IFT88: variants seen among roughly 807,000 people sequenced by gnomAD.
IFT88 encodes intraflagellar transport protein 88 homolog.
IFT88 carries 74 observed loss-of-function variants against 119.5 expected under a neutral mutation model. That is an observed-to-expected ratio of 0.62 (90% CI 0.51 to 0.75). IFT88 has a LOEUF of 0.75. Among genes scored for constraint, IFT88 ranks in the 30% least tolerant of loss-of-function variants. The pLI is 0.00. For synonymous variants in IFT88, 279 were observed against 316.7 expected, an observed-to-expected ratio of 0.88 and a Z score of 1.26; for missense variants, 961 against 977.7, an observed-to-expected ratio of 0.98 and a Z score of 0.23.
chr13:20,641,530 TG>T (rs2049960161), intron 18 of IFT88, 132 bp downstream of exon 18: 1 of 546,276 alleles, frequency 1.8e-6, no homozygotes, highest in Admixed American at 3.0e-5. Flanking sequence ...GAGGATAATC[TG>T]GCAGATTATT....
At chr13:20,568,028 A>C (rs1215531523) in intron 1 of IFT88, 6 of 713,546 alleles carry the variant, frequency 8.4e-6, no homozygotes, top group Non-Finnish European at 1.3e-5. Context: ...AAAATCGCAA[A>C]AAAGAATCTC....
intron 23 of IFT88, among the ~76,000 whole-genome samples, chr13:20,666,757 TTC>T (rs939896926): frequency 1.4e-4 from 21 of 152,228 alleles, no homozygotes; most frequent in Non-Finnish European, 2.9e-4. Context: ...ACAATAAATG[TTC>T]TTTTAAAAAT....
intron 24 of IFT88, among the ~76,000 whole-genome samples, chr13:20,685,131 G>A (rs2141244738): frequency 6.6e-6 from 1 of 152,318 alleles, no homozygotes; most frequent in Admixed American, 6.5e-5. Flanking sequence ...GGGAAACAAA[G>A]CAATTTTAGC....
chr13:20,605,130 A>C, intron 13 of IFT88, 25 bp downstream of exon 13: 1 of 939,292 alleles, frequency 1.1e-6, no homozygotes, highest in Non-Finnish European at 1.6e-6. Flanking sequence ...TTAATAACGT[A>C]GTTATTAATT....
intron 20 of IFT88, among the ~76,000 whole-genome samples, chr13:20,646,345 C>T (rs966698167): frequency 1.1e-4 from 16 of 151,436 alleles, no homozygotes; most frequent in African/African-American, 4.9e-5. Flanking sequence ...CTTTGTCGCC[C>T]AGGCTGGAGT....
intron 24 of IFT88, among the ~76,000 whole-genome samples, chr13:20,672,947 A>G (rs541931049): frequency 1.3e-5 from 2 of 152,290 alleles, no homozygotes; most frequent in African/African-American, 2.4e-5. Context: ...ATTGTGCAAC[A>G]GTCAAAAGCA....
intron 14 of IFT88, among the ~76,000 whole-genome samples, chr13:20,624,343 C>T (rs762409129): frequency 8.5e-5 from 13 of 152,162 alleles, no homozygotes; most frequent in East Asian, 7.7e-4. Context: ...CCTCCCTGGG[C>T]GCCACCCTCT....
intron 24 of IFT88, among the ~76,000 whole-genome samples, chr13:20,687,048 A>AAAAC (rs1555317939): frequency 7.2e-6 from 1 of 139,742 alleles, no homozygotes; most frequent in East Asian, 2.4e-4. Flanking sequence ...AAAAAAAAAA[A>AAAAC]ACCTCATATT....
rs4145579 is a variant in IFT88 at position 20,641,384 on chromosome 13, C to T, written c.1668C>T (p.Tyr556=). The T allele has an allele frequency of 1.1e-5, 17 of 1,604,754 alleles. No individual in the cohort carries two copies. Among genetic ancestry groups the T allele is most frequent in the Non-Finnish European group, 1.3e-5 (15 of 1,172,652 alleles). Residue 556 remains tyrosine (Y), a synonymous_variant, in exon 18 of 26, where the codon TAC becomes TAT. Transcript: ENST00000351808. ...AILRNSAEVL[Y]QIANIYELME... Reference sequence around the variant, plus strand: ...TACGAAACAGTGCCGAAGTTCTTTACCAGATAGCAAATATGTATCTTATTT... The same window carrying T: ...TACGAAACAGTGCCGAAGTTCTTTATCAGATAGCAAATATGTATCTTATTT...
intron 6 of IFT88, among the ~76,000 whole-genome samples, chr13:20,591,974 G>A (rs1464757519): frequency 1.3e-5 from 2 of 152,112 alleles, no homozygotes; most frequent in Non-Finnish European, 2.9e-5. Context: ...TGTTTGGTAT[G>A]CCAATAAGGA....
intron 20 of IFT88, among the ~76,000 whole-genome samples, chr13:20,653,303 G>A (rs751597571): frequency 1.4e-4 from 21 of 152,124 alleles, no homozygotes; most frequent in Non-Finnish European, 2.8e-4. Context: ...AAAATGAGGC[G>A]AGCATAAATT....
At chr13:20,674,870 C>T (rs1038513263) in intron 24 of IFT88, among the ~76,000 whole-genome samples, 2 of 150,992 alleles carry the variant, frequency 1.3e-5, no homozygotes, top group African/African-American at 4.9e-5. Flanking sequence ...CCCACCACCA[C>T]GCCCGGCTAA....
chr13:20,657,048 G>A (rs938272991), intron 22 of IFT88, among the ~76,000 whole-genome samples: 1 of 152,074 alleles, frequency 6.6e-6, no homozygotes, highest in African/African-American at 2.4e-5. Context: ...TAGTAGAGAC[G>A]GGTTTTACTA....
chr13:20,669,688 T>C (rs1747015776), intron 23 of IFT88, among the ~76,000 whole-genome samples: 1 of 152,128 alleles, frequency 6.6e-6, no homozygotes, highest in South Asian at 2.1e-4. Context: ...CCTCCCAAAG[T>C]GCTAGGATTA....
At chr13:20,620,726 T>C (rs928596361) in intron 14 of IFT88, among the ~76,000 whole-genome samples, 2 of 152,022 alleles carry the variant, frequency 1.3e-5, no homozygotes, top group Non-Finnish European at 2.9e-5. Context: ...CCACCACGCC[T>C]GGCTAATTTT....
chr13:20,598,118 G>C (rs552593018), intron 9 of IFT88, among the ~76,000 whole-genome samples: 1 of 152,222 alleles, frequency 6.6e-6, no homozygotes, highest in South Asian at 2.1e-4. Context: ...TGAAGTGTTA[G>C]ATGCTTACTG....
At chr13:20,588,977 G>A (rs1399155409) in intron 3 of IFT88, among the ~76,000 whole-genome samples, 1 of 152,180 alleles carries the variant, frequency 6.6e-6, no homozygotes, top group Non-Finnish European at 1.5e-5. Context: ...CCTTCAGGCT[G>A]TGAGTCTCAA....
chr13:20,611,747 G>A (rs1281211118), intron 13 of IFT88, among the ~76,000 whole-genome samples: 1 of 152,006 alleles, frequency 6.6e-6, no homozygotes, highest in Non-Finnish European at 1.5e-5. Context: ...TGGGACTACA[G>A]GCGCCTGCCA....
intron 21 of IFT88, among the ~76,000 whole-genome samples, chr13:20,655,364 G>A (rs781624391): frequency 6.6e-6 from 1 of 151,052 alleles, no homozygotes; most frequent in Non-Finnish European, 1.5e-5. Context: ...GCCAGGAGGC[G>A]AAGGTTGGAG....
Sources: allele counts gnomAD v4.1 joint callset (sites outside exome capture counted in the v4.1 genomes callset), GRCh38; gene constraint gnomAD v4.1.1; transcripts MANE v1.5; gene names NCBI Gene and HGNC (gene_info 2026-07-23, HGNC 2026-07-21).